The following DNAJC1 variants were observed in gnomAD, a reference collection of about 807,000 sequenced individuals.
DNAJC1 encodes the protein dnaJ homolog subfamily C member 1.
Under a neutral mutation model 76.6 loss-of-function variants are expected in DNAJC1, and 58 were observed. The observed-to-expected ratio is 0.76, with a 90% CI of 0.61 to 0.94. The LOEUF (loss-of-function observed/expected upper bound fraction) is 0.94. Among genes scored for constraint, DNAJC1 ranks in the 40% least tolerant of loss-of-function variants. The probability of loss-of-function intolerance (pLI) is 0.00; values close to 1 mark genes in which losing one functional copy is unlikely to be tolerated. For missense variants in DNAJC1, 689 were observed against 677.3 expected, an observed-to-expected ratio of 1.02 and a Z score of -0.19; for synonymous variants, 258 against 267.9, an observed-to-expected ratio of 0.96 and a Z score of 0.36.
chr10:21,994,423 A>G (rs998851917), intron 1 of DNAJC1, among the ~76,000 whole-genome samples: 1 of 152,218 alleles, frequency 6.6e-6, no homozygotes, highest in Non-Finnish European at 1.5e-5. Context: ...TTGATTGTGT[A>G]AAACTACTAT....
At chr10:21,823,696 T>C (rs373758471) in intron 8 of DNAJC1, among the ~76,000 whole-genome samples, 1 of 150,808 alleles carries the variant, frequency 6.6e-6, no homozygotes, top group East Asian at 2.0e-4. Context: ...TTGTCTTGGG[T>C]CAGACATAAA....
At chr10:21,912,311 T>C (rs1271240679) in intron 6 of DNAJC1, among the ~76,000 whole-genome samples, 1 of 152,210 alleles carries the variant, frequency 6.6e-6, no homozygotes, top group Non-Finnish European at 1.5e-5. Flanking sequence ...ATCTATAAAA[T>C]ATGGAATTGA....
At chr10:21,990,091 C>G (rs938309753) in intron 1 of DNAJC1, among the ~76,000 whole-genome samples, 6 of 152,198 alleles carry the variant, frequency 3.9e-5, no homozygotes, top group African/African-American at 1.4e-4. Context: ...GGTGCTGCTT[C>G]AAGAGTCTAT....
chr10:21,978,003 CAATAAG>C (rs1838092524), intron 1 of DNAJC1, among the ~76,000 whole-genome samples: 2 of 152,190 alleles, frequency 1.3e-5, no homozygotes, highest in South Asian at 2.1e-4. Context: ...AGTTTTTTAA[CAATAAG>C]AATGTCTGTT....
At chr10:21,863,582 C>A (rs1835950628) in intron 8 of DNAJC1, among the ~76,000 whole-genome samples, 1 of 152,024 alleles carries the variant, frequency 6.6e-6, no homozygotes, top group Non-Finnish European at 1.5e-5. Flanking sequence ...AATATGTACA[C>A]AGACATAAAC....
chr10:21,839,880 G>A (rs1734254731), intron 8 of DNAJC1, among the ~76,000 whole-genome samples: 1 of 152,192 alleles, frequency 6.6e-6, no homozygotes, highest in South Asian at 2.1e-4. Flanking sequence ...AAATCCAGCA[G>A]CACATCAAAA....
intron 8 of DNAJC1, among the ~76,000 whole-genome samples, chr10:21,841,703 C>T (rs1436385174): frequency 2.6e-5 from 4 of 152,158 alleles, no homozygotes; most frequent in East Asian, 1.9e-4. Context: ...GGCGATTCCT[C>T]AGGGATCTAG....
intron 8 of DNAJC1, among the ~76,000 whole-genome samples, chr10:21,863,184 T>G (rs1280987356): frequency 6.6e-6 from 1 of 151,442 alleles, no homozygotes. Flanking sequence ...AAGACAGGTA[T>G]GTAAGAGCAG....
At chr10:21,983,738 A>C (rs61850560) in intron 1 of DNAJC1, among the ~76,000 whole-genome samples, 1 of 137,920 alleles carries the variant, frequency 7.3e-6, no homozygotes, top group East Asian at 2.2e-4. Flanking sequence ...AAAAAAAAAA[A>C]GGAAAGTAGA....
chr10:21,857,499 T>C (rs887421532), intron 8 of DNAJC1, among the ~76,000 whole-genome samples: 2 of 152,120 alleles, frequency 1.3e-5, no homozygotes, highest in Non-Finnish European at 2.9e-5. Context: ...TTTGTATCAT[T>C]CTTTAATATA....
At chr10:21,775,109 T>C (rs1440281193) in intron 9 of DNAJC1, among the ~76,000 whole-genome samples, 2 of 152,174 alleles carry the variant, frequency 1.3e-5, no homozygotes, top group Non-Finnish European at 2.9e-5. Flanking sequence ...TATTGTCAAA[T>C]AATGGAAACG....
chr10:21,978,118 C>G (rs2131834792), intron 1 of DNAJC1, among the ~76,000 whole-genome samples: 1 of 152,188 alleles, frequency 6.6e-6, no homozygotes, highest in South Asian at 2.1e-4. Context: ...TTCCATCTAT[C>G]TCATTCCTCA....
chr10:21,836,430 C>T (rs1273929816), intron 8 of DNAJC1, among the ~76,000 whole-genome samples: 1 of 152,128 alleles, frequency 6.6e-6, no homozygotes, highest in Non-Finnish European at 1.5e-5. Context: ...TAACGAGCAA[C>T]ATAACCAGCT....
intron 8 of DNAJC1, among the ~76,000 whole-genome samples, chr10:21,846,368 C>CA (rs201588539): frequency 4.7e-4 from 71 of 149,548 alleles, no homozygotes; most frequent in African/African-American, 1.4e-3. Context: ...TTTAATATGG[C>CA]AAAAAAAAAC....
At chr10:21,762,216 C>G (rs1233361827) in intron 10 of DNAJC1, among the ~76,000 whole-genome samples, 1 of 152,192 alleles carries the variant, frequency 6.6e-6, no homozygotes, top group Non-Finnish European at 1.5e-5. Flanking sequence ...GGATTACAGG[C>G]ATGAGCCACC....
intron 1 of DNAJC1, among the ~76,000 whole-genome samples, chr10:21,994,896 C>T (rs1838390666): frequency 6.7e-6 from 1 of 148,724 alleles, no homozygotes; most frequent in Admixed American, 6.7e-5. Context: ...TTCCAGACTT[C>T]CTACTTTATA....
intron 8 of DNAJC1, among the ~76,000 whole-genome samples, chr10:21,851,132 G>A (rs560011447): frequency 6.6e-6 from 1 of 152,114 alleles, no homozygotes; most frequent in African/African-American, 2.4e-5. Flanking sequence ...AACAAAAATA[G>A]AAGTCAATCA....
intron 8 of DNAJC1, among the ~76,000 whole-genome samples, chr10:21,816,747 G>A (rs188362769): frequency 0.011 from 1,669 of 146,680 alleles, 17 homozygotes; most frequent in Middle Eastern, 0.056. Context: ...GGGTTTCACC[G>A]TGTTAACAAG....
intron 7 of DNAJC1, among the ~76,000 whole-genome samples, chr10:21,890,970 C>A (rs556341899): frequency 9.2e-5 from 14 of 152,132 alleles, no homozygotes; most frequent in Non-Finnish European, 1.9e-4. Flanking sequence ...GTGGGCAGAT[C>A]ACCTGAGGTC....
Sources: gnomAD v4.1 joint callset for allele counts (sites outside exome capture counted in the v4.1 genomes callset) on GRCh38, gnomAD v4.1.1 for gene constraint, MANE v1.5 for transcripts, NCBI Gene and HGNC (gene_info 2026-07-23, HGNC 2026-07-21) for gene names.